HSPA14: variants seen among roughly 807,000 people sequenced by gnomAD.
The protein encoded by HSPA14 is heat shock 70 kDa protein 14.
HSPA14 carries 37 observed loss-of-function variants against 65.5 expected under a neutral mutation model. The observed-to-expected ratio is 0.56, with a 90% CI of 0.43 to 0.74. HSPA14 has a LOEUF of 0.74. HSPA14 is among the 30% of genes least tolerant of loss of function. The pLI is 0.00. For synonymous variants in HSPA14, 203 were observed against 214.2 expected (o/e 0.95, Z 0.46); for missense variants, 564 against 607.6 (o/e 0.93, Z 0.75).
At chr10:14,867,959 A>G (rs1832821754) in intron 12 of HSPA14, 50 bp downstream of exon 12, 1 of 1,453,516 alleles carries the variant, frequency 6.9e-7, no homozygotes, top group South Asian at 1.3e-5. Context: ...TGCTTTCTGG[A>G]TTAGATTCAG....
intron 12 of HSPA14, 97 bp downstream of exon 12, chr10:14,868,006 G>A: frequency 1.1e-6 from 1 of 900,150 alleles, no homozygotes; most frequent in African/African-American, 1.7e-5. Context: ...TATATATAAA[G>A]GACACCTAAT....
At position 14,869,110 on chromosome 10, in the gene HSPA14, C is replaced by T. The variant is rs865834576; in HGVS notation, c.1380+1201C>T. 6.6e-5 allele frequency among the ~76,000 whole-genome samples: 10 copies of T among 151,982 alleles called. No individual in the cohort carries two copies. The South Asian group carries it at 2.1e-3, about 32-fold the overall frequency. The stretch of plus-strand genomic sequence containing the variant: ...ATCCGCCTGCCTTGGCCTCCCAAAG[C>T]AGTATTGTTTTTTAAAAAATATATG... On this transcript the variant is annotated intron_variant, in intron 12 of 13. Coordinates refer to ENST00000378372, the MANE Select transcript of HSPA14 (RefSeq NM_016299.4).
At chr10:14,869,848 T>C (rs1464848083) in intron 12 of HSPA14, among the ~76,000 whole-genome samples, 4 of 152,188 alleles carry the variant, frequency 2.6e-5, no homozygotes, top group Non-Finnish European at 4.4e-5. Flanking sequence ...TCTCTGAGAC[T>C]CCATAGCTGC....
chr10:14,861,799 G>A (rs1588817616), intron 10 of HSPA14, among the ~76,000 whole-genome samples: 2 of 151,952 alleles, frequency 1.3e-5, no homozygotes, highest in East Asian at 2.0e-4. Flanking sequence ...AGATCACAAG[G>A]TCAAGAGATC....
At chr10:14,863,563 T>C (rs1319484452) in intron 10 of HSPA14, among the ~76,000 whole-genome samples, 2 of 152,210 alleles carry the variant, frequency 1.3e-5, no homozygotes, top group Non-Finnish European at 2.9e-5. Flanking sequence ...TTAGTCCTTT[T>C]CTAATGTTTC....
At position 14,842,895 on chromosome 10, in the gene HSPA14, T is replaced by TA; in HGVS notation, c.221+2741dup. On this transcript the variant is annotated intron_variant, in intron 3 of 13. Coordinates refer to ENST00000378372, the MANE Select transcript of HSPA14 (RefSeq NM_016299.4). This position sits in a 1 kb window ranked among gnomAD's most constrained non-coding sequence, Gnocchi z 5.2. The stretch of plus-strand genomic sequence containing the variant: ...GTTGGGTCCCAGAGTCTTGTGGCTC[T>TA]AAACATTTAGCTGTGTCTGTTTGGA... The TA allele has an allele frequency of 7.8e-7, 1 of 1,289,616 alleles. No individual in the cohort carries two copies. The highest frequency in any genetic ancestry group is 1.1e-6 in the Non-Finnish European group (1 of 949,580). The allele number at this position is 1,289,616 out of a possible 1,614,324, so 79.9% of individuals were successfully genotyped here. A position where few individuals can be genotyped will look rare whatever the true frequency, so the allele number is the denominator to read the frequency against.
chr10:14,844,334 C>G (rs955872138), intron 3 of HSPA14: 5 of 1,041,604 alleles, frequency 4.8e-6, no homozygotes, highest in Admixed American at 5.0e-5. Context: ...TTCATATGGC[C>G]TTGGCTGAGG....
rs1397187420 is a variant in HSPA14, at chr10:14,844,308, A to G, written c.221+4151A>G. 1.1e-5 allele frequency: 12 copies of G among 1,062,360 alleles called. No individual in the cohort carries two copies. The Admixed American group carries it at 5.0e-4, about 44-fold the overall frequency. 65.8% of individuals were successfully genotyped at this position (1,062,360 alleles called of 1,614,324 possible). ...GTTTAAAAGTTTAAAAGCACTGTACACATTTAAGTTATTAATTCATATGGC... is the reference window on the plus strand; with the variant it reads ...GTTTAAAAGTTTAAAAGCACTGTACGCATTTAAGTTATTAATTCATATGGC... On this transcript the variant is annotated intron_variant, in intron 3 of 13. Coordinates refer to ENST00000378372, the MANE Select transcript of HSPA14 (RefSeq NM_016299.4).
intron 3 of HSPA14, chr10:14,843,531 G>A (rs778026121): frequency 1.7e-5 from 27 of 1,550,558 alleles, no homozygotes; most frequent in South Asian, 3.6e-5. Context: ...CCTCCACACC[G>A]CAGACTCCAG....
chr10:14,848,746 T>G, intron 4 of HSPA14, 44 bp from the exon 5 acceptor site: 1 of 1,431,182 alleles, frequency 7.0e-7, no homozygotes, highest in Non-Finnish European at 9.6e-7. Context: ...TTTGCATTTT[T>G]ATTAAAAATT....
chr10:14,851,349 GT>G, intron 7 of HSPA14, 26 bp downstream of exon 7: 1 of 1,263,926 alleles, frequency 7.9e-7, no homozygotes, highest in Non-Finnish European at 1.2e-6. Context: ...GCAGTTTTAG[GT>G]TTTTTGAGTG....
chr10:14,847,561 G>A (rs1834070431), intron 3 of HSPA14, among the ~76,000 whole-genome samples: 1 of 152,122 alleles, frequency 6.6e-6, no homozygotes, highest in Non-Finnish European at 1.5e-5. Flanking sequence ...GATATTTTAG[G>A]TGACAGAGAA....
At chr10:14,840,187 G>C in intron 3 of HSPA14, 30 bp downstream of exon 3, 1 of 1,069,248 alleles carries the variant, frequency 9.4e-7, no homozygotes, top group Non-Finnish European at 1.3e-6. Flanking sequence ...TTTTAAATAT[G>C]GTAATAGGAA....
At chr10:14,870,575 C>T in intron 12 of HSPA14, 22 bp from the exon 13 acceptor site, 1 of 1,572,344 alleles carries the variant, frequency 6.4e-7, no homozygotes. Context: ...GAATTCTCTT[C>T]ATATTGTTCT....
chr10:14,862,528 C>T (rs1379151615), intron 10 of HSPA14, among the ~76,000 whole-genome samples: 2 of 151,500 alleles, frequency 1.3e-5, no homozygotes, highest in African/African-American at 2.4e-5. Flanking sequence ...GCGCCCGCCA[C>T]CACGCCTGGC....
intron 3 of HSPA14, chr10:14,845,363 G>T (rs539474891): frequency 1.0e-6 from 1 of 985,154 alleles, no homozygotes; most frequent in South Asian, 4.7e-5. Context: ...TTGCAGGCTC[G>T]AGTGCTTAGC....
intron 10 of HSPA14, among the ~76,000 whole-genome samples, chr10:14,865,604 T>G (rs1208268229): frequency 6.6e-6 from 1 of 152,238 alleles, no homozygotes; most frequent in Non-Finnish European, 1.5e-5. Context: ...TTCTTGTTTT[T>G]GTCAGGTTTG....
chr10:14,855,589 G>T (rs1208693481), intron 9 of HSPA14, among the ~76,000 whole-genome samples: 1 of 152,120 alleles, frequency 6.6e-6, no homozygotes, highest in African/African-American at 2.4e-5. Context: ...GCTTTCACTT[G>T]AATTTGATAT....
intron 6 of HSPA14, 37 bp downstream of exon 6, chr10:14,849,848 AG>A: frequency 7.8e-7 from 1 of 1,274,970 alleles, no homozygotes; most frequent in Non-Finnish European, 1.1e-6. Context: ...GCTTAATTAA[AG>A]GAAGTACAAA....
Sources: gnomAD v4.1 joint callset for allele counts (sites outside exome capture counted in the v4.1 genomes callset) on GRCh38, gnomAD v4.1.1 for gene constraint, Gnocchi (gnomAD v3.1) non-coding constraint, MANE v1.5 for transcripts, NCBI Gene and HGNC (gene_info 2026-07-23, HGNC 2026-07-21) for gene names.